ERC1: variants seen among roughly 807,000 people sequenced by gnomAD.
ERC1 encodes the protein RAB6 interacting protein 2.
Under a neutral mutation model 132.0 loss-of-function variants are expected in ERC1, and 56 were observed. The ratio of observed to expected loss-of-function variants is 0.42; its 90% confidence interval spans 0.34 to 0.53. The LOEUF (loss-of-function observed/expected upper bound fraction) is 0.53. Ranked by LOEUF, ERC1 falls within the 20% of genes least tolerant of loss-of-function variation. The pLI is 0.03. For missense variants in ERC1, 1,202 were observed against 1,349.9 expected, an observed-to-expected ratio of 0.89 and a Z score of 1.72; for synonymous variants, 478 against 476.1, an observed-to-expected ratio of 1.00 and a Z score of -0.05.
chr12:1,110,249 A>G lies in ERC1; in HGVS notation c.1219A>G (p.Met407Val), dbSNP rs1163243532. Residue 407 changes from methionine (M) to valine (V), a missense_variant, in exon 5 of 19, where the codon ATG (methionine) becomes GTG (valine). By Grantham distance (21) the Met-to-Val change is conservative. Transcript: ENST00000360905. ...GLRDLEEEIQ[M>V]LKSNGALSTE... ...TCGAGACCTGGAAGAGGAAATTCAGATGCTGAAATCGAATGGTGCTTTGAG... is the reference window on the plus strand; with the variant it reads ...TCGAGACCTGGAAGAGGAAATTCAGGTGCTGAAATCGAATGGTGCTTTGAG... 4.3e-6 allele frequency: 7 copies of G among 1,613,654 alleles called. No homozygotes were observed. The Admixed American group carries it at 1.0e-4, about 23-fold the overall frequency.
intron 8 of ERC1, among the ~76,000 whole-genome samples, chr12:1,169,210 T>C (rs764663837): frequency 1.3e-4 from 20 of 151,906 alleles, no homozygotes; most frequent in Non-Finnish European, 2.8e-4. Flanking sequence ...CGATGATCGA[T>C]GCAACCTAGG....
At chr12:1,074,725 A>G (rs1256296874) in intron 2 of ERC1, among the ~76,000 whole-genome samples, 5 of 152,210 alleles carry the variant, frequency 3.3e-5, no homozygotes, top group Admixed American at 1.3e-4. Context: ...ACTTAGATTT[A>G]TGTACAGCAT....
intron 16 of ERC1, chr12:1,390,712 C>G (rs1022208118): frequency 6.6e-6 from 1 of 152,068 alleles, no homozygotes; most frequent in Non-Finnish European, 1.5e-5. Flanking sequence ...TTAAATGAAC[C>G]CAGTTGTGGA....
At chr12:1,433,748 G>A (rs1262152029) in intron 17 of ERC1, among the ~76,000 whole-genome samples, 1 of 152,222 alleles carries the variant, frequency 6.6e-6, no homozygotes, top group Non-Finnish European at 1.5e-5. Context: ...TCTCATGCAA[G>A]AAGATTACAG....
chr12:1,468,674 AAG>A (rs1442940390), intron 18 of ERC1, among the ~76,000 whole-genome samples: 2 of 152,076 alleles, frequency 1.3e-5, no homozygotes, highest in African/African-American at 4.8e-5. Context: ...AAAGGAAAGA[AAG>A]AGCCTGCAGG....
chr12:1,345,638 ACTT>A (rs1308787774), intron 15 of ERC1, among the ~76,000 whole-genome samples: 2 of 152,162 alleles, frequency 1.3e-5, no homozygotes, highest in East Asian at 1.9e-4. Context: ...AGAAATTATC[ACTT>A]CTTCTCACCA....
At chr12:1,421,824 TG>T in intron 17 of ERC1, among the ~76,000 whole-genome samples, 1 of 150,948 alleles carries the variant, frequency 6.6e-6, no homozygotes, top group East Asian at 2.0e-4. Context: ...GAGACCATCC[TG>T]GCCAACATGG....
chr12:1,229,265 G>A (rs749571010), intron 12 of ERC1, among the ~76,000 whole-genome samples: 5 of 152,132 alleles, frequency 3.3e-5, no homozygotes, highest in African/African-American at 4.8e-5. Flanking sequence ...ATTTTGGGAG[G>A]CCAAGGTGGG....
Position 1,302,351 on chromosome 12 carries a change from A to G in ERC1, c.2780+12339A>G, listed in dbSNP as rs116773648. On this transcript the variant is annotated intron_variant, in intron 15 of 18. Coordinates refer to ENST00000360905, the MANE Select transcript of ERC1 (RefSeq NM_178040.4). Reference sequence around the variant, plus strand: ...CTAGAGATAGAAGGTAATTCAGCTTAGTAAAGAGCATCATGAAAAATTTAC... The same window carrying G: ...CTAGAGATAGAAGGTAATTCAGCTTGGTAAAGAGCATCATGAAAAATTTAC... 3.0e-3 allele frequency among the ~76,000 whole-genome samples: 462 copies of G among 152,348 alleles called. 3 individuals are homozygous for G. Among genetic ancestry groups the G allele is most frequent in the Middle Eastern group, 0.02 (6 of 294 alleles).
intron 15 of ERC1, among the ~76,000 whole-genome samples, chr12:1,304,979 C>G (rs552948412): frequency 2.4e-3 from 365 of 151,302 alleles, no homozygotes; most frequent in African/African-American, 8.2e-3. Context: ...TTAGTAGAGA[C>G]GGGTTTCACC....
At chr12:1,381,136 C>G (rs1205559413) in intron 16 of ERC1, 1 of 152,246 alleles carries the variant, frequency 6.6e-6, no homozygotes, top group East Asian at 1.9e-4. Context: ...TCACCTTGCC[C>G]TTGACGGTGC....
chr12:1,342,207 G>A (rs1436891165), intron 15 of ERC1, among the ~76,000 whole-genome samples: 1 of 152,142 alleles, frequency 6.6e-6, no homozygotes, highest in Non-Finnish European at 1.5e-5. Flanking sequence ...GCTCACGCCT[G>A]TAATCCCAGC....
chr12:1,355,985 T>C (rs2085482719), intron 15 of ERC1, among the ~76,000 whole-genome samples: 1 of 152,082 alleles, frequency 6.6e-6, no homozygotes. Context: ...GTGGGTGGAT[T>C]GCTTGAGCTC....
intron 14 of ERC1, among the ~76,000 whole-genome samples, chr12:1,279,406 A>G (rs546797204): frequency 6.6e-6 from 1 of 152,290 alleles, no homozygotes; most frequent in Non-Finnish European, 1.5e-5. Flanking sequence ...TTCTTCCTCT[A>G]GAAAAACCTC....
rs570517142 is a variant in ERC1, at chr12:1,135,531, C to T, written c.1570-6089C>T. Among the ~76,000 whole-genome samples the T allele has an allele frequency of 3.3e-5, 5 of 152,224 alleles. No individual in the cohort carries two copies. The East Asian group carries it at 7.7e-4, about 24-fold the overall frequency. Reference sequence around the variant, plus strand: ...GTCTACCTGGTACTCAGAATGTGACCATATTTGGAAATAGGGTCTTTGAAG... The same window carrying T: ...GTCTACCTGGTACTCAGAATGTGACTATATTTGGAAATAGGGTCTTTGAAG... On this transcript the variant is annotated intron_variant, in intron 7 of 18. Transcript: ENST00000360905.
intron 15 of ERC1, among the ~76,000 whole-genome samples, chr12:1,371,348 TAAC>T (rs1378089277): frequency 6.6e-6 from 1 of 152,218 alleles, no homozygotes; most frequent in Non-Finnish European, 1.5e-5. Context: ...CTTATTAAGA[TAAC>T]AACATGATAA....
intron 18 of ERC1, among the ~76,000 whole-genome samples, chr12:1,445,547 T>G (rs1448216522): frequency 2.0e-5 from 3 of 152,122 alleles, no homozygotes; most frequent in Non-Finnish European, 4.4e-5. Flanking sequence ...ACGCTAGATC[T>G]CCTGAAGGTA....
chr12:1,196,213 T>C (rs183309833), intron 12 of ERC1, among the ~76,000 whole-genome samples: 1 of 152,240 alleles, frequency 6.6e-6, no homozygotes, highest in African/African-American at 2.4e-5. Flanking sequence ...TACTTTTCTT[T>C]TGTTGTAGTC....
chr12:1,082,747 C>T (rs1942416458), intron 2 of ERC1, among the ~76,000 whole-genome samples: 1 of 152,140 alleles, frequency 6.6e-6, no homozygotes, highest in East Asian at 1.9e-4. Flanking sequence ...ACCTTGGCCT[C>T]CCAAAGTGCT....
Sources: gnomAD v4.1 joint callset for allele counts (sites outside exome capture counted in the v4.1 genomes callset) on GRCh38, gnomAD v4.1.1 for gene constraint, MANE v1.5 for transcripts, NCBI Gene and HGNC (gene_info 2026-07-23, HGNC 2026-07-21) for gene names.